Variants in RALGAPA1 observed in about 807,000 individuals in gnomAD.
RALGAPA1 encodes the protein ral GTPase-activating protein subunit alpha-1.
In RALGAPA1, 52 loss-of-function variants were observed where a neutral mutation model predicts 269.6. The observed-to-expected ratio is 0.19, with a 90% CI of 0.15 to 0.24. RALGAPA1 has a LOEUF of 0.24. Among genes scored for constraint, RALGAPA1 ranks in the 10% least tolerant of loss-of-function variants. The pLI is 1.00. For synonymous variants in RALGAPA1, 817 were observed against 1,008.3 expected, an observed-to-expected ratio of 0.81 and a Z score of 3.60; for missense variants, 1,917 against 3,013.9, an observed-to-expected ratio of 0.64 and a Z score of 8.52.
intron 25 of RALGAPA1, among the ~76,000 whole-genome samples, chr14:35,672,329 C>A (rs550531120): frequency 2.0e-5 from 3 of 152,144 alleles, no homozygotes; most frequent in African/African-American, 7.2e-5. Context: ...TGGCCAATAT[C>A]AAGACTCCCA....
chr14:35,568,841 GC>G (rs942376405), intron 39 of RALGAPA1, among the ~76,000 whole-genome samples: 3 of 152,066 alleles, frequency 2.0e-5, no homozygotes, highest in African/African-American at 7.2e-5. Context: ...AAATAAACTC[GC>G]CATGTCCATA....
chr14:35,606,946 A>G (rs547962350), intron 35 of RALGAPA1, among the ~76,000 whole-genome samples: 5 of 152,192 alleles, frequency 3.3e-5, no homozygotes, highest in Non-Finnish European at 7.3e-5. Context: ...TGATGAGCAC[A>G]TAGGCAAACT....
chr14:35,776,334 T>C (rs1053759492), intron 1 of RALGAPA1, among the ~76,000 whole-genome samples: 4 of 151,198 alleles, frequency 2.6e-5, no homozygotes, highest in Admixed American at 2.6e-4. Flanking sequence ...TGAGCCAAGA[T>C]TGCGCCACTG....
At chr14:35,741,321 G>C (rs2071524630) in intron 11 of RALGAPA1, among the ~76,000 whole-genome samples, 1 of 151,906 alleles carries the variant, frequency 6.6e-6, no homozygotes, top group Non-Finnish European at 1.5e-5. Flanking sequence ...TTTTTCATTG[G>C]TGTGTAAGAA....
At chr14:35,621,051 T>C (rs1454236355) in intron 35 of RALGAPA1, among the ~76,000 whole-genome samples, 6 of 152,022 alleles carry the variant, frequency 3.9e-5, no homozygotes, top group African/African-American at 1.4e-4. Flanking sequence ...GCCCACATTG[T>C]CAAGACAATC....
At chr14:35,687,041 G>A (rs1425220790) in intron 18 of RALGAPA1, among the ~76,000 whole-genome samples, 2 of 152,112 alleles carry the variant, frequency 1.3e-5, no homozygotes, top group African/African-American at 4.8e-5. Context: ...AACGTTTGCA[G>A]GGAATACATC....
At chr14:35,702,594 T>C (rs1389354154) in intron 16 of RALGAPA1, among the ~76,000 whole-genome samples, 2 of 152,126 alleles carry the variant, frequency 1.3e-5, no homozygotes, top group Admixed American at 1.3e-4. Context: ...AAAAGTTACG[T>C]TGACTCCAAC....
intron 35 of RALGAPA1, among the ~76,000 whole-genome samples, chr14:35,613,125 A>C (rs1394093292): frequency 6.6e-6 from 1 of 151,184 alleles, no homozygotes; most frequent in Non-Finnish European, 1.5e-5. Context: ...TCTGTCATCC[A>C]GGCTGGAGGG....
chr14:35,628,267 G>A (rs1321394064), intron 33 of RALGAPA1, among the ~76,000 whole-genome samples: 1 of 152,104 alleles, frequency 6.6e-6, no homozygotes, highest in East Asian at 1.9e-4. Flanking sequence ...AAAAGCCAAA[G>A]ACGGCCAGGT....
At chr14:35,567,814 C>G (rs143422435) in intron 39 of RALGAPA1, among the ~76,000 whole-genome samples, 8 of 152,214 alleles carry the variant, frequency 5.3e-5, no homozygotes, top group African/African-American at 1.7e-4. Flanking sequence ...TAGAGTTTTG[C>G]ATTACAATCT....
In RALGAPA1 at chr14:35,696,296, C is replaced by T. The variant is rs2066892842; in HGVS notation, c.2407+3866G>A. The stretch of plus-strand genomic sequence containing the variant: ...GGATGTGGTGGCACGTGCCTATGAT[C>T]CCAGCTACATGGGAGGCTGAGGCAG... On this transcript the variant is annotated intron_variant, in intron 17 of 41. Transcript: ENST00000680220. 2.0e-5 allele frequency among the ~76,000 whole-genome samples: 3 copies of T among 152,118 alleles called. No individual in the cohort carries two copies. In the South Asian group the frequency reaches 6.2e-4, roughly 31 times the overall value.
intron 4 of RALGAPA1, chr14:35,766,087 G>C: frequency 8.7e-7 from 1 of 1,152,686 alleles, no homozygotes; most frequent in Non-Finnish European, 1.3e-6. Flanking sequence ...GCATTCACAT[G>C]CTATGCGGCT....
At chr14:35,735,713 A>AAAAT (rs1296853201) in intron 12 of RALGAPA1, among the ~76,000 whole-genome samples, 2 of 152,236 alleles carry the variant, frequency 1.3e-5, no homozygotes, top group Non-Finnish European at 2.9e-5. Context: ...GGAATAATAA[A>AAAAT]AAATAAAAAT....
chr14:35,608,244 T>C (rs1249254939), intron 35 of RALGAPA1, among the ~76,000 whole-genome samples: 1 of 152,002 alleles, frequency 6.6e-6, no homozygotes, highest in Non-Finnish European at 1.5e-5. Context: ...CAACAGTAAA[T>C]GATAAAAATC....
At chr14:35,766,075 C>A in intron 4 of RALGAPA1, 1 of 1,233,280 alleles carries the variant, frequency 8.1e-7, no homozygotes, top group Non-Finnish European at 1.2e-6. Flanking sequence ...GTTGCCATAT[C>A]GGCATTCACA....
intron 16 of RALGAPA1, among the ~76,000 whole-genome samples, chr14:35,709,725 C>T (rs2068129878): frequency 6.6e-6 from 1 of 152,030 alleles, no homozygotes; most frequent in Non-Finnish European, 1.5e-5. Context: ...GCTTTCACTG[C>T]CCACAAATTT....
intron 41 of RALGAPA1, chr14:35,542,365 G>T (rs1241345728): frequency 5.9e-6 from 1 of 169,120 alleles, no homozygotes; most frequent in Non-Finnish European, 1.3e-5. Context: ...CTTTATCAGA[G>T]AGCATTGCTC....
chr14:35,670,798 C>T (rs1454785111), intron 26 of RALGAPA1, among the ~76,000 whole-genome samples: 1 of 152,026 alleles, frequency 6.6e-6, no homozygotes, highest in African/African-American at 2.4e-5. Context: ...TGGTGCCTGC[C>T]TGTAATCCCA....
intron 4 of RALGAPA1, chr14:35,767,026 T>C: frequency 2.8e-6 from 1 of 360,530 alleles, no homozygotes; most frequent in Non-Finnish European, 5.4e-6. Flanking sequence ...AAGTAAAGTT[T>C]CCTGTTATTC....
Sources: allele counts gnomAD v4.1 joint callset (sites outside exome capture counted in the v4.1 genomes callset), GRCh38; gene constraint gnomAD v4.1.1; transcripts MANE v1.5; gene names NCBI Gene and HGNC (gene_info 2026-07-23, HGNC 2026-07-21).